The following BTBD3 variants were observed in gnomAD, a reference collection of about 807,000 sequenced individuals.
The protein encoded by BTBD3 is BTB domain containing 3, also known as BTB/POZ domain-containing protein 3.
In BTBD3, 14 loss-of-function variants were observed where a neutral mutation model predicts 41.6. That is an observed-to-expected ratio of 0.34 (90% CI 0.22 to 0.53). The LOEUF is 0.53. BTBD3 is among the 20% of genes least tolerant of loss of function. The probability of loss-of-function intolerance (pLI) is 0.95; values close to 1 mark genes in which losing one functional copy is unlikely to be tolerated. For missense variants in BTBD3, 426 were observed against 654.7 expected (o/e 0.65, Z 3.81); for synonymous variants, 249 against 233.7 (o/e 1.07, Z -0.60).
Position 11,918,254 on chromosome 20 carries a change from TAA to T in BTBD3, c.-20_-19del. ...CAAACCAATTTGGGATATCTAACTCTAAAGAGAGACACACTGTACTCATGGTA... is the reference window on the plus strand; with the variant it reads ...CAAACCAATTTGGGATATCTAACTCTAGAGAGACACACTGTACTCATGGTA... On this transcript the variant is annotated 5_prime_UTR_variant, in exon 1 of 4. Transcript: ENST00000378226. 2 of 1,532,356 alleles carry T rather than the reference TAA, an allele frequency of 1.3e-6. No homozygotes were observed. The highest frequency in any genetic ancestry group is 1.7e-6 in the Non-Finnish European group (2 of 1,148,564). 94.9% of individuals were successfully genotyped at this position (1,532,356 alleles called of 1,614,324 possible).
upstream of BTBD3, among the ~76,000 whole-genome samples, chr20:11,914,992 A>G (rs182991187): frequency 4.5e-4 from 69 of 152,266 alleles, no homozygotes; most frequent in Non-Finnish European, 8.1e-4. Flanking sequence ...GAGGCCCTTA[A>G]AGGCTAAATG....
At chr20:11,903,390 CAG>C (rs1245335483) in intron 1 of BTBD3, among the ~76,000 whole-genome samples, 4 of 152,186 alleles carry the variant, frequency 2.6e-5, no homozygotes, top group Non-Finnish European at 5.9e-5. Flanking sequence ...AGCAGATTTT[CAG>C]AGAGAGATGT....
At chr20:11,908,057 G>A (rs931413788) in intron 1 of BTBD3, among the ~76,000 whole-genome samples, 1 of 152,142 alleles carries the variant, frequency 6.6e-6, no homozygotes, top group African/African-American at 2.4e-5. Flanking sequence ...CATTTTTGAT[G>A]CTATATTTTA....
intron 3 of BTBD3, among the ~76,000 whole-genome samples, chr20:11,920,503 C>T (rs575960284): frequency 1.3e-5 from 2 of 152,062 alleles, no homozygotes; most frequent in African/African-American, 4.8e-5. Flanking sequence ...CTTAAAGATA[C>T]GTTATATATT....
At chr20:11,896,975 C>T (rs971904167) in intron 1 of BTBD3, among the ~76,000 whole-genome samples, 6 of 152,192 alleles carry the variant, frequency 3.9e-5, no homozygotes, top group Non-Finnish European at 7.3e-5. Context: ...TACCTGTTGG[C>T]AGTATTTGAT....
Position 11,923,388 on chromosome 20 carries a change from C to A in BTBD3, c.1291C>A (p.Gln431Lys). The A allele has an allele frequency of 6.2e-7, 1 of 1,614,198 alleles. No individual in the cohort carries two copies. Among genetic ancestry groups the A allele is most frequent in the African/African-American group, 1.3e-5 (1 of 75,066 alleles). Residue 431 changes from glutamine (Q) to lysine (K), a missense_variant, in exon 4 of 4, where the codon CAG becomes AAG. By Grantham distance (53) the Gln-to-Lys change is moderately conservative. Transcript: ENST00000378226. This position sits in a 1 kb window ranked among gnomAD's most constrained non-coding sequence, Gnocchi z 5.3. ...CAGTGCCAAGATTGAACTTAAGCGG[C>A]AGGGCGTTGTCCTGGGGCAGAACTT... The part of the protein sequence containing the change: ...EYSAKIELKR[Q>K]GVVLGQNLSK...
At chr20:11,899,747 A>C (rs6134388) in intron 1 of BTBD3, among the ~76,000 whole-genome samples, 110,721 of 151,948 alleles carry the variant, frequency 0.73, 40,802 homozygotes, top group Non-Finnish European at 0.78. Flanking sequence ...CATCAGACTC[A>C]CTTTCCTCCT....
chr20:11,901,438 T>C (rs1455679511), intron 1 of BTBD3, among the ~76,000 whole-genome samples: 1 of 152,216 alleles, frequency 6.6e-6, no homozygotes, highest in African/African-American at 2.4e-5. Flanking sequence ...GTGCAGTCAC[T>C]TTTGATCCCT....
At chr20:11,906,253 C>CTTTTTT (rs1568610658) in intron 1 of BTBD3, among the ~76,000 whole-genome samples, 1 of 37,348 alleles carries the variant, frequency 2.7e-5, no homozygotes, top group Non-Finnish European at 6.3e-5. Context: ...TATTATTACT[C>CTTTTTT]CTTTTTTTTT....
intron 1 of BTBD3, chr20:11,910,584 T>A (rs1408231047): frequency 6.6e-6 from 1 of 152,226 alleles, no homozygotes; most frequent in East Asian, 1.9e-4. Context: ...AACATTTTAA[T>A]ATGGATTCTA....
intron 1 of BTBD3, among the ~76,000 whole-genome samples, chr20:11,906,120 C>G (rs991266216): frequency 3.3e-5 from 5 of 151,974 alleles, no homozygotes; most frequent in African/African-American, 1.2e-4. Flanking sequence ...ATTTTCAACA[C>G]TCTTAATGGT....
At chr20:11,913,940 A>C (rs2056903651), upstream of BTBD3, among the ~76,000 whole-genome samples, 1 of 152,182 alleles carries the variant, frequency 6.6e-6, no homozygotes, top group African/African-American at 2.4e-5. Context: ...TTATTAGCTA[A>C]CTTTTTAAGT....
At chr20:11,890,991 T>A (rs1225516275) in intron 1 of BTBD3, 1 of 980,126 alleles carries the variant, frequency 1.0e-6, no homozygotes, top group Non-Finnish European at 1.2e-6. Flanking sequence ...GGTCGGCGCC[T>A]CCGCGCGTGC....
At chr20:11,902,604 G>A (rs185127079) in intron 1 of BTBD3, among the ~76,000 whole-genome samples, 1 of 152,278 alleles carries the variant, frequency 6.6e-6, no homozygotes, top group African/African-American at 2.4e-5. Context: ...AGCATCATAT[G>A]GCACTTTAGG....
chr20:11,892,171 C>T (rs1379438077), intron 1 of BTBD3, among the ~76,000 whole-genome samples: 1 of 152,192 alleles, frequency 6.6e-6, no homozygotes, highest in Non-Finnish European at 1.5e-5. Flanking sequence ...GCGTCTCTAA[C>T]GGTTCAAACT....
chr20:11,900,246 T>C (rs529753592), intron 1 of BTBD3, among the ~76,000 whole-genome samples: 2 of 152,334 alleles, frequency 1.3e-5, no homozygotes, highest in African/African-American at 4.8e-5. Flanking sequence ...CTTTTGAAAA[T>C]AGTGCTGTTA....
At chr20:11,890,875 C>G in exon 1 of BTBD3, 1 of 985,060 alleles carries the variant, frequency 1.0e-6, no homozygotes, top group Non-Finnish European at 1.2e-6. Context: ...TCTCCGAGTG[C>G]CCCGGCCGGG....
At chr20:11,919,957 T>C (rs984836799) in intron 3 of BTBD3, 121 bp downstream of exon 3, 5 of 830,154 alleles carry the variant, frequency 6.0e-6, no homozygotes, top group Non-Finnish European at 1.0e-5. Flanking sequence ...AAGAGGGTGC[T>C]GCTTACCTTG....
chr20:11,902,796 G>A (rs993419211), intron 1 of BTBD3, among the ~76,000 whole-genome samples: 12 of 152,118 alleles, frequency 7.9e-5, no homozygotes, highest in Admixed American at 2.0e-4. Flanking sequence ...ATGTGTTTGT[G>A]TGCATAAATT....
Sources: gnomAD v4.1 joint callset for allele counts (sites outside exome capture counted in the v4.1 genomes callset) on GRCh38, gnomAD v4.1.1 for gene constraint, Gnocchi (gnomAD v3.1) non-coding constraint, MANE v1.5 for transcripts, NCBI Gene and HGNC (gene_info 2026-07-23, HGNC 2026-07-21) for gene names.